The following CELF4 variants were observed in gnomAD, a reference collection of about 807,000 sequenced individuals.
The protein encoded by CELF4 is CUGBP Elav-like family member 4.
CELF4 carries 18 observed loss-of-function variants against 59.9 expected under a neutral mutation model. The ratio of observed to expected loss-of-function variants is 0.30; its 90% CI spans 0.21 to 0.45. The LOEUF is 0.45. Among genes scored for constraint, CELF4 ranks in the 20% least tolerant of loss-of-function variants. CELF4 has a pLI of 1.00. For synonymous variants in CELF4, 261 were observed against 267.1 expected (o/e 0.98, Z 0.22); for missense variants, 456 against 689.0 (o/e 0.66, Z 3.79).
At chr18:37,482,570 A>G (rs2099870955) in intron 2 of CELF4, among the ~76,000 whole-genome samples, 2 of 152,176 alleles carry the variant, frequency 1.3e-5, no homozygotes, top group Admixed American at 1.3e-4. Context: ...GGATACTGGG[A>G]ATCACGTATC....
intron 8 of CELF4, 88 bp downstream of exon 8, chr18:37,270,680 G>A (rs1240663858): frequency 4.0e-6 from 6 of 1,491,146 alleles, no homozygotes; most frequent in South Asian, 1.1e-5. Context: ...GAGGGCAGGA[G>A]CCACATCTTG....
chr18:37,356,956 G>T (rs1275537640), intron 2 of CELF4, among the ~76,000 whole-genome samples: 2 of 152,132 alleles, frequency 1.3e-5, no homozygotes, highest in African/African-American at 4.8e-5. Flanking sequence ...CCTGTACTCT[G>T]CCCCTTTTGC....
intron 2 of CELF4, among the ~76,000 whole-genome samples, chr18:37,351,214 G>A (rs1471670301): frequency 1.3e-5 from 2 of 151,280 alleles, no homozygotes; most frequent in African/African-American, 4.8e-5. Context: ...GGCCCAATTA[G>A]CAAAAGAAAC....
intron 12 of CELF4, among the ~76,000 whole-genome samples, chr18:37,250,942 T>G (rs575657310): frequency 7.8e-4 from 119 of 152,314 alleles, no homozygotes; most frequent in African/African-American, 2.8e-3. Context: ...GTTAGATGGC[T>G]GACCCCAGAA....
chr18:37,325,746 G>A (rs1257268443), intron 2 of CELF4, among the ~76,000 whole-genome samples: 1 of 152,228 alleles, frequency 6.6e-6, no homozygotes, highest in African/African-American at 2.4e-5. Context: ...AGGCACCTAT[G>A]GGGTGCTCTA....
intron 3 of CELF4, among the ~76,000 whole-genome samples, chr18:37,300,203 TGTG>T (rs2095917323): frequency 1.4e-5 from 2 of 139,692 alleles, no homozygotes; most frequent in African/African-American, 3.2e-5. Flanking sequence ...GCTTGTTGCA[TGTG>T]ATCTGATCCC....
At position 37,254,009 on chromosome 18, in the gene CELF4, T is replaced by A; in HGVS notation, c.1334-71A>T. On this transcript the variant is annotated intron_variant, in intron 11 of 12. Transcript: ENST00000420428. The surrounding 1 kb of genome is among the most constrained non-coding windows in gnomAD (Gnocchi z 5.1). Reference sequence around the variant, plus strand: ...CCGGGGCGCTGCCGGCGGGGAGGGGTCGGGGGACAGGGGGGCGGGGCGGGC... The same window carrying A: ...CCGGGGCGCTGCCGGCGGGGAGGGGACGGGGGACAGGGGGGCGGGGCGGGC... 3.5e-6 allele frequency: 1 copy of A among 286,444 alleles called. No individual in the cohort carries two copies. 17.7% of individuals were successfully genotyped at this position (286,444 alleles called of 1,614,324 possible).
intron 1 of CELF4, among the ~76,000 whole-genome samples, chr18:37,509,485 C>T (rs973891981): frequency 6.6e-6 from 1 of 152,218 alleles, no homozygotes; most frequent in Non-Finnish European, 1.5e-5. Context: ...TAAAACTGAT[C>T]AGATAGGGTT....
At position 37,266,597 on chromosome 18, in the gene CELF4, T is replaced by C. The variant is rs908977707; in HGVS notation, c.1101A>G (p.Ala367=). 3 of 1,587,044 alleles carry C rather than the reference T, an allele frequency of 1.9e-6. No homozygotes were observed. ...GGGGGTCCGCGGCGGTGGGGCTCTGTGCTGTAGGGAGCCAAGGGGACAGAG... is the reference window on the plus strand; with the variant it reads ...GGGGGTCCGCGGCGGTGGGGCTCTGCGCTGTAGGGAGCCAAGGGGACAGAG... ...VFANGIHPYP[A]QSPTAADPLQ... is the part of the protein sequence containing the mutation. The change falls in exon 9 of 13, where the codon GCA becomes GCG. Residue 367 remains alanine (A), a splice_region_variant and synonymous_variant. Coordinates refer to ENST00000420428, the MANE Select transcript of CELF4 (RefSeq NM_020180.4).
At chr18:37,485,863 C>A in intron 1 of CELF4, 1 of 331,042 alleles carries the variant, frequency 3.0e-6, no homozygotes. Context: ...TTCCCCCCAC[C>A]ACACCCCCCT....
At chr18:37,284,897 G>T (rs1398026273) in intron 3 of CELF4, among the ~76,000 whole-genome samples, 4 of 152,200 alleles carry the variant, frequency 2.6e-5, no homozygotes, top group African/African-American at 9.6e-5. Flanking sequence ...GTGAAGGCAG[G>T]ACTCAGCCCC....
chr18:37,463,601 G>A (rs1438496485), intron 2 of CELF4, among the ~76,000 whole-genome samples: 1 of 152,194 alleles, frequency 6.6e-6, no homozygotes, highest in Admixed American at 6.5e-5. Flanking sequence ...GCCTGCCCCT[G>A]TTCCCTCCTG....
At chr18:37,485,678 C>A in intron 1 of CELF4, 71 bp from the exon 2 acceptor site, 1 of 1,031,326 alleles carries the variant, frequency 9.7e-7, no homozygotes, top group Non-Finnish European at 1.3e-6. Context: ...CCCTGCCGCC[C>A]GCCCTCCAGG....
chr18:37,457,017 C>T (rs2099780254), intron 2 of CELF4, among the ~76,000 whole-genome samples: 1 of 152,202 alleles, frequency 6.6e-6, no homozygotes, highest in Admixed American at 6.5e-5. Context: ...AAGCTCCCTC[C>T]CTGGTGATGT....
At chr18:37,506,136 A>G (rs2099937727) in intron 1 of CELF4, among the ~76,000 whole-genome samples, 1 of 142,522 alleles carries the variant, frequency 7.0e-6, no homozygotes, top group Non-Finnish European at 1.5e-5. Context: ...CGGGTGGCTG[A>G]GCAGAAAAAC....
At chr18:37,475,032 G>A (rs2099844805) in intron 2 of CELF4, among the ~76,000 whole-genome samples, 1 of 152,232 alleles carries the variant, frequency 6.6e-6, no homozygotes, top group South Asian at 2.1e-4. Context: ...CCTTGGGTGG[G>A]ATGACTCCAA....
In CELF4 at chr18:37,259,036, G is replaced by C. The variant is rs1010059894; in HGVS notation, c.1333+145C>G. On this transcript the variant is annotated intron_variant, in intron 11 of 12. Transcript: ENST00000420428. ...GGGGCGGGGGCAATGTGAAGGAGCAGGTTAAAAGCAGTCGGACACCGGTAG... is the reference window on the plus strand; with the variant it reads ...GGGGCGGGGGCAATGTGAAGGAGCACGTTAAAAGCAGTCGGACACCGGTAG... The C allele has an allele frequency of 2.3e-5, 30 of 1,306,570 alleles. No homozygotes were observed. In the African/African-American group the frequency reaches 4.0e-4, roughly 18 times the overall value. The allele number at this position is 1,306,570 out of a possible 1,614,324, so 80.9% of individuals were successfully genotyped here.
chr18:37,351,835 T>A (rs1008979140), intron 2 of CELF4, among the ~76,000 whole-genome samples: 1 of 152,054 alleles, frequency 6.6e-6, no homozygotes, highest in African/African-American at 2.4e-5. Flanking sequence ...GCTGGTCTCA[T>A]ACTCCTGGGG....
chr18:37,510,755 T>G (rs2099943353), intron 1 of CELF4, among the ~76,000 whole-genome samples: 1 of 152,066 alleles, frequency 6.6e-6, no homozygotes, highest in South Asian at 2.1e-4. Context: ...TTTGGAAACA[T>G]CTTCCCTTCC....
Sources: gnomAD v4.1 joint callset for allele counts (sites outside exome capture counted in the v4.1 genomes callset) on GRCh38, gnomAD v4.1.1 for gene constraint, Gnocchi (gnomAD v3.1) non-coding constraint, MANE v1.5 for transcripts, NCBI Gene and HGNC (gene_info 2026-07-23, HGNC 2026-07-21) for gene names.